EPHB2: variants seen among roughly 807,000 people sequenced by gnomAD.
The protein encoded by EPHB2 is ephrin type-B receptor 2.
A neutral mutation model predicts 96.4 loss-of-function variants in EPHB2; 18 were observed. The observed-to-expected ratio is 0.19, with a 90% CI of 0.13 to 0.28. EPHB2 has a LOEUF of 0.28. Among genes scored for constraint, EPHB2 ranks in the 10% least tolerant of loss-of-function variants. EPHB2 has a pLI of 1.00. For synonymous variants in EPHB2, 506 were observed against 534.1 expected (o/e 0.95, Z 0.72); for missense variants, 989 against 1,355.4 (o/e 0.73, Z 4.25).
At chr1:22,811,790 A>T (rs34956722) in intron 3 of EPHB2, among the ~76,000 whole-genome samples, 1 of 152,062 alleles carries the variant, frequency 6.6e-6, no homozygotes, top group Non-Finnish European at 1.5e-5. Context: ...TGGAATCCCA[A>T]CTCTTTGGGA....
intron 1 of EPHB2, 25 bp from the exon 2 acceptor site, chr1:22,781,396 T>A (rs1042040543): frequency 1.2e-6 from 2 of 1,601,238 alleles, no homozygotes; most frequent in East Asian, 4.5e-5. Context: ...TGGGGCGGGG[T>A]GGTGACTCTT....
At chr1:22,768,015 G>A (rs1360702301) in intron 1 of EPHB2, among the ~76,000 whole-genome samples, 1 of 152,190 alleles carries the variant, frequency 6.6e-6, no homozygotes, top group East Asian at 1.9e-4. Context: ...AGCCCAGGGA[G>A]TCACACTGAG....
chr1:22,745,583 A>T (rs1045978319), intron 1 of EPHB2, among the ~76,000 whole-genome samples: 1 of 152,230 alleles, frequency 6.6e-6, no homozygotes, highest in Non-Finnish European at 1.5e-5. Flanking sequence ...GATTAAAAAA[A>T]GCTTCAAACA....
intron 1 of EPHB2, among the ~76,000 whole-genome samples, chr1:22,714,606 A>G (rs1338685840): frequency 6.6e-6 from 1 of 152,100 alleles, no homozygotes; most frequent in African/African-American, 2.4e-5. Flanking sequence ...TTTGGATCAA[A>G]TGCTGAGGGC....
chr1:22,767,585 G>C (rs1176925369), intron 1 of EPHB2, among the ~76,000 whole-genome samples: 1 of 152,208 alleles, frequency 6.6e-6, no homozygotes, highest in African/African-American at 2.4e-5. Context: ...GACAGTGCCT[G>C]GCAGGTCGTA....
At chr1:22,775,162 C>T in intron 1 of EPHB2, 1 of 779,420 alleles carries the variant, frequency 1.3e-6, no homozygotes, top group South Asian at 1.3e-5. Flanking sequence ...AGGCTATGGC[C>T]ATGGCATCTT....
chr1:22,905,857 G>C (rs1570464802), intron 9 of EPHB2, 130 bp from the exon 10 acceptor site: 10 of 1,434,564 alleles, frequency 7.0e-6, no homozygotes, highest in Middle Eastern at 2.4e-4. Context: ...GTGACCTGCA[G>C]GGAGTTGCCC....
At chr1:22,912,772 GC>G (rs1640151185) in intron 15 of EPHB2, 173 bp downstream of exon 15, 1 of 862,732 alleles carries the variant, frequency 1.2e-6, no homozygotes, top group Non-Finnish European at 1.9e-6. Flanking sequence ...ACCCAGGTCT[GC>G]CTGCCACCTA....
At chr1:22,879,577 T>A (rs1638963914) in intron 5 of EPHB2, among the ~76,000 whole-genome samples, 1 of 152,202 alleles carries the variant, frequency 6.6e-6, no homozygotes, top group Non-Finnish European at 1.5e-5. Flanking sequence ...TAGGGCAGGA[T>A]GACTCAGCTC....
chr1:22,805,034 C>A (rs1214547048), intron 3 of EPHB2, among the ~76,000 whole-genome samples: 1 of 151,002 alleles, frequency 6.6e-6, no homozygotes, highest in Non-Finnish European at 1.5e-5. Flanking sequence ...CAGGACATGC[C>A]CCCCAACCTC....
intron 3 of EPHB2, among the ~76,000 whole-genome samples, chr1:22,849,399 T>TAGAC (rs1645591041): frequency 1.3e-5 from 2 of 152,170 alleles, no homozygotes. Context: ...TCTCACCCAC[T>TAGAC]AGACTATCAG....
At chr1:22,727,297 C>A (rs1387001151) in intron 1 of EPHB2, among the ~76,000 whole-genome samples, 1 of 152,246 alleles carries the variant, frequency 6.6e-6, no homozygotes, top group Non-Finnish European at 1.5e-5. Context: ...CAGGACATAG[C>A]CCACATCCTT....
chr1:22,824,496 G>A (rs1250990534), intron 3 of EPHB2, among the ~76,000 whole-genome samples: 2 of 152,124 alleles, frequency 1.3e-5, no homozygotes, highest in Non-Finnish European at 1.5e-5. Flanking sequence ...TCTCTCTGGC[G>A]GTGCCAATAT....
At chr1:22,848,944 T>G (rs1645583557) in intron 3 of EPHB2, among the ~76,000 whole-genome samples, 1 of 152,100 alleles carries the variant, frequency 6.6e-6, no homozygotes, top group African/African-American at 2.4e-5. Flanking sequence ...GGGATGGCAC[T>G]TCATTGCTTG....
chr1:22,849,949 T>C (rs553650237), intron 3 of EPHB2, among the ~76,000 whole-genome samples: 1 of 151,708 alleles, frequency 6.6e-6, no homozygotes, highest in East Asian at 1.9e-4. Context: ...CCCCGGGGGG[T>C]CCGGGGGTTT....
chr1:22,741,696 A>AAC (rs55743842), intron 1 of EPHB2, among the ~76,000 whole-genome samples: 1 of 137,298 alleles, frequency 7.3e-6, no homozygotes. Flanking sequence ...AAACAAAAAA[A>AAC]CAAAAAACCT....
Position 22,781,408 on chromosome 1 carries a change from GCT to G in EPHB2, c.62-9_62-8del. 6.2e-7 allele frequency: 1 copy of G among 1,613,610 alleles called. No homozygotes were observed. The highest frequency in any genetic ancestry group is 8.5e-7 in the Non-Finnish European group (1 of 1,179,824). ...AGGTGGGGCGGGGTGGTGACTCTTTGCTCTCCCCACAGAAACGCTAATGGACT... is the reference window on the plus strand; with the variant it reads ...AGGTGGGGCGGGGTGGTGACTCTTTGCTCCCCACAGAAACGCTAATGGACT... On this transcript the variant is annotated splice_polypyrimidine_tract_variant and intron_variant, in intron 1 of 15. Coordinates refer to ENST00000374630, the MANE Select transcript of EPHB2 (RefSeq NM_017449.5).
Position 22,862,959 on chromosome 1 carries a change from T to A in EPHB2, c.812-78T>A. On this transcript the variant is annotated intron_variant, in intron 3 of 15. Coordinates refer to ENST00000374630, the MANE Select transcript of EPHB2 (RefSeq NM_017449.5). ...CCCCTCCGCGAGGCTGTGTGGCCCC[T>A]CCGTGAGGCTGCGTGGCTCGTGACC... 3.1e-6 allele frequency: 5 copies of A among 1,594,718 alleles called. No homozygotes were observed. The South Asian group carries it at 4.4e-5, about 14-fold the overall frequency.
intron 3 of EPHB2, among the ~76,000 whole-genome samples, chr1:22,834,498 A>G (rs1273674420): frequency 2.0e-5 from 3 of 152,200 alleles, no homozygotes; most frequent in Admixed American, 6.5e-5. Context: ...AGAAAGTTAA[A>G]ATTTTAGCCT....
Sources: allele counts gnomAD v4.1 joint callset (sites outside exome capture counted in the v4.1 genomes callset), GRCh38; gene constraint gnomAD v4.1.1; transcripts MANE v1.5; gene names NCBI Gene and HGNC (gene_info 2026-07-23, HGNC 2026-07-21).